KCND2: variants seen among roughly 807,000 people sequenced by gnomAD.
The protein encoded by KCND2 is A-type voltage-gated potassium channel KCND2.
Under a neutral mutation model 54.4 loss-of-function variants are expected in KCND2, and 16 were observed. The observed-to-expected ratio is 0.29, with a 90% confidence interval of 0.20 to 0.45. The LOEUF (loss-of-function observed/expected upper bound fraction) is 0.45, where lower values mean the gene tolerates loss of function less well. KCND2 is among the 20% of genes least tolerant of loss of function. The probability of loss-of-function intolerance (pLI) is 1.00; values close to 1 mark genes in which losing one functional copy is unlikely to be tolerated. For synonymous variants in KCND2, 317 were observed against 310.7 expected, an observed-to-expected ratio of 1.02 and a Z score of -0.21; for missense variants, 486 against 824.2, an observed-to-expected ratio of 0.59 and a Z score of 5.02.
At chr7:120,353,597 C>T (rs1023185153) in intron 1 of KCND2, among the ~76,000 whole-genome samples, 8 of 151,964 alleles carry the variant, frequency 5.3e-5, no homozygotes, top group African/African-American at 9.7e-5. Context: ...GACCAAGAAT[C>T]GGTTAAGATT....
chr7:120,433,659 T>C lies in KCND2; in HGVS notation c.1115+157912T>C, dbSNP rs1010680737. Among the ~76,000 whole-genome samples, 6 of 152,202 alleles carry C rather than the reference T, an allele frequency of 3.9e-5. No homozygotes were observed. The East Asian group carries it at 1.2e-3, about 29-fold the overall frequency. ...GCTCTGTAAGTATTGAATAAAATGATATTTCCTATCAAAAGAAAAACCTAA... is the reference window on the plus strand; with the variant it reads ...GCTCTGTAAGTATTGAATAAAATGACATTTCCTATCAAAAGAAAAACCTAA... On this transcript the variant is annotated intron_variant, in intron 1 of 5. Transcript: ENST00000331113.
At chr7:120,339,650 G>C (rs1283420787) in intron 1 of KCND2, among the ~76,000 whole-genome samples, 1 of 151,934 alleles carries the variant, frequency 6.6e-6, no homozygotes, top group African/African-American at 2.4e-5. Context: ...GACTATTCTA[G>C]GCACTTGGGT....
rs1799160286 is a variant in KCND2 at position 120,275,490 on chromosome 7, C to T, written c.858C>T (p.Ser286=). The T allele has an allele frequency of 3.7e-6, 6 of 1,612,728 alleles. No homozygotes were observed. Among genetic ancestry groups the T allele is most frequent in the East Asian group, 2.2e-5 (1 of 44,844 alleles). The stretch of plus-strand genomic sequence containing the variant: ...TGATGACAGACAATGAGGACGTCAG[C>T]GGAGCCTTTGTCACACTCCGAGTCT... ...GLVMTDNEDV[S]GAFVTLRVFR... The change falls in exon 1 of 6, where the codon AGC becomes AGT. Residue 286 remains serine, a synonymous_variant. Coordinates refer to ENST00000331113, the MANE Select transcript of KCND2 (RefSeq NM_012281.3).
chr7:120,533,008 T>C (rs76774422), intron 1 of KCND2, among the ~76,000 whole-genome samples: 394 of 152,224 alleles, frequency 2.6e-3, no homozygotes, highest in African/African-American at 9.1e-3. Context: ...ATGATTTTAC[T>C]CTCTTCCTTT....
intron 1 of KCND2, among the ~76,000 whole-genome samples, chr7:120,588,231 A>G (rs140085231): frequency 8.3e-4 from 127 of 152,282 alleles, no homozygotes; most frequent in Admixed American, 2.5e-3. Flanking sequence ...TTTATAGTCT[A>G]ACAGGTGTGT....
chr7:120,468,856 C>G (rs1271940884), intron 1 of KCND2, among the ~76,000 whole-genome samples: 3 of 152,094 alleles, frequency 2.0e-5, no homozygotes, highest in Admixed American at 2.0e-4. Flanking sequence ...GATATAGGCC[C>G]AGCTCCAAGC....
intron 1 of KCND2, among the ~76,000 whole-genome samples, chr7:120,286,436 G>A (rs972169956): frequency 6.6e-6 from 1 of 151,852 alleles, no homozygotes; most frequent in Non-Finnish European, 1.5e-5. Context: ...TGGGAGATAG[G>A]AAAAGCCATT....
intron 1 of KCND2, among the ~76,000 whole-genome samples, chr7:120,631,930 A>T (rs757593152): frequency 6.6e-5 from 10 of 152,186 alleles, no homozygotes; most frequent in Non-Finnish European, 1.2e-4. Flanking sequence ...TCCTCATTGT[A>T]TTAATGTATT....
intron 1 of KCND2, among the ~76,000 whole-genome samples, chr7:120,480,148 TTATC>T (rs1390692331): frequency 6.6e-6 from 1 of 151,984 alleles, no homozygotes; most frequent in Non-Finnish European, 1.5e-5. Flanking sequence ...ATATAAAAAA[TTATC>T]TATTTTTAGG....
intron 4 of KCND2, among the ~76,000 whole-genome samples, chr7:120,744,233 G>C (rs1792977550): frequency 6.6e-6 from 1 of 151,970 alleles, no homozygotes; most frequent in African/African-American, 2.4e-5. Flanking sequence ...CTGCACTCCA[G>C]CCTGGGCAAA....
At chr7:120,289,960 G>A (rs551762782) in intron 1 of KCND2, among the ~76,000 whole-genome samples, 1 of 151,996 alleles carries the variant, frequency 6.6e-6, no homozygotes, top group South Asian at 2.1e-4. Flanking sequence ...TTGCTTATTT[G>A]TAGTATCCCT....
At chr7:120,585,184 T>A (rs1235291275) in intron 1 of KCND2, among the ~76,000 whole-genome samples, 1 of 152,098 alleles carries the variant, frequency 6.6e-6, no homozygotes, top group Non-Finnish European at 1.5e-5. Flanking sequence ...AGAGACTTTT[T>A]TTTTTTTAAA....
intron 1 of KCND2, among the ~76,000 whole-genome samples, chr7:120,634,175 A>T (rs771994831): frequency 2.6e-5 from 4 of 152,198 alleles, no homozygotes; most frequent in Non-Finnish European, 5.9e-5. Context: ...GAGGCAAGAA[A>T]CTTGCTTCAA....
intron 1 of KCND2, among the ~76,000 whole-genome samples, chr7:120,382,793 CAA>C (rs1041989355): frequency 1.3e-5 from 2 of 151,688 alleles, no homozygotes; most frequent in African/African-American, 4.8e-5. Context: ...GGAGCAACTC[CAA>C]GGATTACTCT....
At chr7:120,561,595 C>A (rs1792233089) in intron 1 of KCND2, among the ~76,000 whole-genome samples, 2 of 138,478 alleles carry the variant, frequency 1.4e-5, no homozygotes, top group Non-Finnish European at 1.5e-5. Flanking sequence ...ATTAAGCTAC[C>A]TGATTTTTTT....
intron 1 of KCND2, among the ~76,000 whole-genome samples, chr7:120,569,583 T>C (rs1792338143): frequency 6.6e-6 from 1 of 152,098 alleles, no homozygotes; most frequent in South Asian, 2.1e-4. Context: ...AAACCATTAA[T>C]TGTTTAAAAA....
chr7:120,316,100 T>G (rs188877345), intron 1 of KCND2, among the ~76,000 whole-genome samples: 3 of 152,314 alleles, frequency 2.0e-5, no homozygotes, highest in Admixed American at 2.0e-4. Flanking sequence ...CATTCATGGT[T>G]CGTAATAGAT....
chr7:120,468,854 C>A (rs1041992919), intron 1 of KCND2, among the ~76,000 whole-genome samples: 10 of 152,202 alleles, frequency 6.6e-5, no homozygotes, highest in African/African-American at 2.4e-4. Flanking sequence ...AGGATATAGG[C>A]CCAGCTCCAA....
chr7:120,434,452 C>T (rs1388096963), intron 1 of KCND2, among the ~76,000 whole-genome samples: 1 of 152,212 alleles, frequency 6.6e-6, no homozygotes, highest in African/African-American at 2.4e-5. Context: ...AGAATCCACT[C>T]TTGACCCCTG....
Sources: gnomAD v4.1 joint callset for allele counts (sites outside exome capture counted in the v4.1 genomes callset) on GRCh38, gnomAD v4.1.1 for gene constraint, MANE v1.5 for transcripts, NCBI Gene and HGNC (gene_info 2026-07-23, HGNC 2026-07-21) for gene names.